TBC1D8: variants seen among roughly 807,000 people sequenced by gnomAD.
TBC1D8 encodes the protein TBC1 domain family member 8, also known as BUB2-like protein 1.
A neutral mutation model predicts 118.8 loss-of-function variants in TBC1D8; 65 were observed. The observed-to-expected ratio is 0.55, with a 90% CI of 0.45 to 0.67. The LOEUF (loss-of-function observed/expected upper bound fraction) is 0.67. TBC1D8 is among the 30% of genes least tolerant of loss of function. TBC1D8 has a pLI of 0.00. For missense variants in TBC1D8, 1,376 were observed against 1,471.2 expected, an observed-to-expected ratio of 0.94 and a Z score of 1.06; for synonymous variants, 566 against 595.8, an observed-to-expected ratio of 0.95 and a Z score of 0.73.
chr2:101,019,904 TA>T (rs35987226), intron 17 of TBC1D8, among the ~76,000 whole-genome samples: 3 of 149,902 alleles, frequency 2.0e-5, no homozygotes, highest in Admixed American at 6.7e-5. Context: ...CTATCTCTGC[TA>T]AAAAAAAATA....
At chr2:101,035,043 G>C (rs34512295) in intron 9 of TBC1D8, among the ~76,000 whole-genome samples, 2 of 151,888 alleles carry the variant, frequency 1.3e-5, no homozygotes, top group Admixed American at 6.6e-5. Flanking sequence ...GAAGAGGAAA[G>C]TGAGGGACAA....
chr2:101,091,373 A>C (rs1676022601), intron 1 of TBC1D8, among the ~76,000 whole-genome samples: 1 of 152,184 alleles, frequency 6.6e-6, no homozygotes. Context: ...ATTTTCCTGT[A>C]ATGAGTGGCA....
rs760007379 is a variant in TBC1D8 at position 101,040,275 on chromosome 2, C to A, written c.983G>T (p.Arg328Leu). Residue 328 changes from arginine to leucine, a missense_variant, in exon 6 of 20, where the codon CGC becomes CTC. Physicochemically the swap from Arg to Leu is moderately radical, Grantham distance 102 (BLOSUM62 -2). Transcript: ENST00000409318. The stretch of plus-strand genomic sequence containing the variant: ...GAACATCCGCCCCGTGGTGTGACAG[C>A]GACTGAACGGCGTCCAGAGCGAACA... ...VDCSLWTPFS[R>L]CHTTGRMFAS... 3 of 1,614,018 alleles carry A rather than the reference C, an allele frequency of 1.9e-6. No homozygotes were observed. Among genetic ancestry groups the A allele is most frequent in the Admixed American group, 3.3e-5 (2 of 60,034 alleles).
intron 1 of TBC1D8, among the ~76,000 whole-genome samples, chr2:101,095,992 G>T (rs941689606): frequency 6.6e-6 from 1 of 152,122 alleles, no homozygotes; most frequent in African/African-American, 2.4e-5. Flanking sequence ...CACACCAACA[G>T]GCTCCAGTAT....
At position 101,054,123 on chromosome 2, in the gene TBC1D8, A is replaced by T; in HGVS notation, c.616T>A (p.Phe206Ile). Residue 206 changes from phenylalanine (F) to isoleucine (I), a missense_variant, in exon 4 of 20, where the codon TTC becomes ATC. Physicochemically the swap from Phe to Ile is conservative, Grantham distance 21. Coordinates refer to ENST00000409318, the MANE Select transcript of TBC1D8 (RefSeq NM_001330348.2). ...CCTCACTTACGTTCCTTGCCCAGGA[A>T]GAAGGAGTAGAAGCAGAGGTGGTTG... ...SINHLCFYSF[F>I]LGKELKLVVP... The T allele has an allele frequency of 6.2e-7, 1 of 1,612,062 alleles. No homozygotes were observed.
intron 1 of TBC1D8, among the ~76,000 whole-genome samples, chr2:101,099,388 A>G (rs2105467267): frequency 6.6e-6 from 1 of 152,350 alleles, no homozygotes; most frequent in Middle Eastern, 3.4e-3. Context: ...AACCAAAAAA[A>G]GCCCAGGACC....
intron 1 of TBC1D8, among the ~76,000 whole-genome samples, chr2:101,136,145 C>T (rs530510972): frequency 6.6e-6 from 1 of 152,214 alleles, no homozygotes; most frequent in Admixed American, 6.5e-5. Flanking sequence ...GAGCCACTGG[C>T]CTGGCCTCAC....
At position 101,007,610 on chromosome 2, in the gene TBC1D8, C is replaced by T. The variant is rs373122674; in HGVS notation, c.*211G>A. 1.8e-6 allele frequency: 1 copy of T among 559,744 alleles called. No homozygotes were observed. The allele number at this position is 559,744 out of a possible 1,614,324, so 34.7% of individuals were successfully genotyped here. A position where few individuals can be genotyped will look rare whatever the true frequency, so the allele number is the denominator to read the frequency against. ...AAATTGTAAGTTGGCATCAAGGGAA[C>T]CAATGGATACCTTAGGGCACTGACA... On this transcript the variant is annotated 3_prime_UTR_variant, in exon 20 of 20. Coordinates refer to ENST00000409318, the MANE Select transcript of TBC1D8 (RefSeq NM_001330348.2).
intron 2 of TBC1D8, among the ~76,000 whole-genome samples, chr2:101,069,574 G>T (rs970524757): frequency 6.6e-6 from 1 of 151,964 alleles, no homozygotes; most frequent in Non-Finnish European, 1.5e-5. Context: ...CAACAAGAGC[G>T]AAACTCCATC....
intron 16 of TBC1D8, 78 bp downstream of exon 16, chr2:101,022,203 C>G: frequency 4.4e-6 from 7 of 1,593,834 alleles, no homozygotes; most frequent in Non-Finnish European, 6.0e-6. Context: ...CATCTGCCTG[C>G]TCCGAAGATC....
chr2:101,008,097 C>A lies in TBC1D8; in HGVS notation c.3192G>T (p.Arg1064=). 6.2e-7 allele frequency: 1 copy of A among 1,613,826 alleles called. No individual in the cohort carries two copies. Among genetic ancestry groups the A allele is most frequent in the Non-Finnish European group, 8.5e-7 (1 of 1,179,782 alleles). Residue 1064 remains arginine (R), a synonymous_variant, in exon 20 of 20, where the codon CGG becomes CGT. Transcript: ENST00000409318. ...AGTCCTCAGGAGAAGGAGCTGAAGCCCGCAGCTCCTCCCCACACTCCTGGG... is the reference window on the plus strand; with the variant it reads ...AGTCCTCAGGAGAAGGAGCTGAAGCACGCAGCTCCTCCCCACACTCCTGGG... The part of the protein sequence containing the change: ...SCSQECGEEL[R]ASAPSPEDSV...
rs569639817 is a variant in TBC1D8, at chr2:101,086,957, T to C, written c.283+3252A>G. ...CACAACCACCCCTGGCTAATTTCTG[T>C]ACTTTTAGTAGAGATGGGGTTTCCC... is the stretch of plus-strand genomic sequence containing the variant. On this transcript the variant is annotated intron_variant, in intron 2 of 19. Coordinates refer to ENST00000409318, the MANE Select transcript of TBC1D8 (RefSeq NM_001330348.2). 6.6e-5 allele frequency among the ~76,000 whole-genome samples: 10 copies of C among 152,138 alleles called. No homozygotes were observed. In the South Asian group the frequency reaches 2.1e-3, roughly 32 times the overall value.
intron 17 of TBC1D8, chr2:101,018,950 T>C (rs757360186): frequency 3.7e-6 from 6 of 1,600,934 alleles, no homozygotes; most frequent in Non-Finnish European, 5.1e-6. Context: ...TCTTCGTCTG[T>C]GTGTTACCTG....
At chr2:101,107,013 A>AT (rs1408094571) in intron 1 of TBC1D8, among the ~76,000 whole-genome samples, 1 of 152,186 alleles carries the variant, frequency 6.6e-6, no homozygotes, top group Non-Finnish European at 1.5e-5. Flanking sequence ...TGACGATGAT[A>AT]TTTTCAACTT....
chr2:101,084,425 C>T (rs1488556116), intron 2 of TBC1D8, among the ~76,000 whole-genome samples: 1 of 152,154 alleles, frequency 6.6e-6, no homozygotes, highest in Admixed American at 6.5e-5. Context: ...GGTGCGTGCA[C>T]GTGTAATCCC....
intron 1 of TBC1D8, among the ~76,000 whole-genome samples, chr2:101,094,043 A>G (rs1180328272): frequency 6.6e-6 from 1 of 151,964 alleles, no homozygotes; most frequent in Non-Finnish European, 1.5e-5. Context: ...GTTGCTACCA[A>G]TATCCCCTCC....
At chr2:101,115,067 C>T (rs1345335283) in intron 1 of TBC1D8, among the ~76,000 whole-genome samples, 2 of 152,168 alleles carry the variant, frequency 1.3e-5, no homozygotes, top group Non-Finnish European at 2.9e-5. Context: ...CAGTCACGTG[C>T]GGATCCCAAC....
chr2:101,040,128 T>TTCAAACAACAAAA, intron 6 of TBC1D8, 50 bp downstream of exon 6: 5 of 1,586,098 alleles, frequency 3.2e-6, no homozygotes, highest in Middle Eastern at 1.7e-4. Flanking sequence ...CAACCTTGTG[T>TTCAAACAACAAAA]TCAAACAACA....
intron 5 of TBC1D8, among the ~76,000 whole-genome samples, chr2:101,042,295 T>G (rs1180829310): frequency 2.6e-5 from 4 of 152,120 alleles, no homozygotes; most frequent in African/African-American, 9.7e-5. Flanking sequence ...GATCAAGTTA[T>G]GTCATATTCC....
Sources: gnomAD v4.1 joint callset for allele counts (sites outside exome capture counted in the v4.1 genomes callset) on GRCh38, gnomAD v4.1.1 for gene constraint, MANE v1.5 for transcripts, NCBI Gene and HGNC (gene_info 2026-07-23, HGNC 2026-07-21) for gene names.